Variants in SCN8A observed in about 807,000 individuals in gnomAD.
The protein encoded by SCN8A is sodium voltage-gated channel alpha subunit 8, also known as sodium channel protein type 8 subunit alpha.
A neutral mutation model predicts 184.1 loss-of-function variants in SCN8A; 30 were observed. That is an observed-to-expected ratio of 0.16 (90% CI 0.12 to 0.22). The LOEUF (loss-of-function observed/expected upper bound fraction) is 0.22. Among genes scored for constraint, SCN8A ranks in the 10% least tolerant of loss-of-function variants. The pLI is 1.00. For missense variants in SCN8A, 1,057 were observed against 2,498.9 expected (o/e 0.42, Z 12.30); for synonymous variants, 852 against 907.0 (o/e 0.94, Z 1.09).
chr12:51,625,663 C>T (rs1235825416), intron 1 of SCN8A, among the ~76,000 whole-genome samples: 5 of 152,264 alleles, frequency 3.3e-5, no homozygotes, highest in African/African-American at 9.6e-5. Flanking sequence ...ATTAAACAAT[C>T]GCTAAGATTC....
At chr12:51,700,474 C>T (rs571403795) in intron 7 of SCN8A, among the ~76,000 whole-genome samples, 5 of 152,248 alleles carry the variant, frequency 3.3e-5, no homozygotes, top group South Asian at 2.1e-4. Flanking sequence ...CTATTGCAGT[C>T]GATCTAGTCT....
At chr12:51,598,612 G>A (rs766407613) in intron 1 of SCN8A, among the ~76,000 whole-genome samples, 1 of 151,948 alleles carries the variant, frequency 6.6e-6, no homozygotes, top group Non-Finnish European at 1.5e-5. Flanking sequence ...CTCTTCCATT[G>A]TCTTGAAATG....
chr12:51,789,469 G>A (rs529513513), intron 24 of SCN8A, 51 bp downstream of exon 24: 1 of 1,586,898 alleles, frequency 6.3e-7, no homozygotes, highest in South Asian at 1.1e-5. Flanking sequence ...CCAGATAAGA[G>A]GCACCTTTGT....
intron 1 of SCN8A, among the ~76,000 whole-genome samples, chr12:51,661,081 T>G (rs1940915994): frequency 6.6e-6 from 1 of 152,188 alleles, no homozygotes; most frequent in South Asian, 2.1e-4. Context: ...TGATATTTAT[T>G]ATAATGAAAG....
chr12:51,726,291 A>G (rs1280961077), intron 12 of SCN8A, among the ~76,000 whole-genome samples: 1 of 152,230 alleles, frequency 6.6e-6, no homozygotes, highest in African/African-American at 2.4e-5. Context: ...CAATCCAGAA[A>G]TCACATGCAA....
At chr12:51,721,988 C>T (rs1353412675) in intron 12 of SCN8A, 80 bp downstream of exon 12, 1 of 1,596,738 alleles carries the variant, frequency 6.3e-7, no homozygotes, top group Non-Finnish European at 8.5e-7. Context: ...GCAGTCTCCC[C>T]CGCTCCTTCC....
chr12:51,726,198 A>C (rs1370601051), intron 12 of SCN8A, among the ~76,000 whole-genome samples: 1 of 152,228 alleles, frequency 6.6e-6, no homozygotes, highest in African/African-American at 2.4e-5. Flanking sequence ...CTGAAGCAGA[A>C]GATAAAGGGA....
chr12:51,676,917 C>G (rs950404849), intron 2 of SCN8A, among the ~76,000 whole-genome samples: 19 of 151,980 alleles, frequency 1.3e-4, no homozygotes, highest in African/African-American at 4.3e-4. Flanking sequence ...CTCTCCTGGG[C>G]CATGTGTTTC....
intron 1 of SCN8A, among the ~76,000 whole-genome samples, chr12:51,661,366 GC>G (rs946045303): frequency 2.3e-4 from 35 of 152,284 alleles, no homozygotes; most frequent in African/African-American, 8.2e-4. Context: ...GGCCTCTTTA[GC>G]CCCCTGCTGT....
intron 2 of SCN8A, among the ~76,000 whole-genome samples, chr12:51,665,814 A>G (rs1038025410): frequency 1.3e-5 from 2 of 152,242 alleles, no homozygotes; most frequent in Non-Finnish European, 2.9e-5. Flanking sequence ...CTGTAATCCC[A>G]GCACTTTGGG....
chr12:51,685,029 A>G (rs975814602), intron 3 of SCN8A, among the ~76,000 whole-genome samples: 7 of 152,210 alleles, frequency 4.6e-5, no homozygotes, highest in Admixed American at 2.0e-4. Context: ...GTATCCTCCA[A>G]GTAGGATGAG....
chr12:51,731,859 A>G (rs1222515256), intron 12 of SCN8A, among the ~76,000 whole-genome samples: 1 of 152,140 alleles, frequency 6.6e-6, no homozygotes, highest in Admixed American at 6.5e-5. Flanking sequence ...TTTGCCATTT[A>G]TATGTCTTCT....
rs187590087 is a variant in SCN8A, at chr12:51,741,861, C to T, written c.1999-4042C>T. 1.5e-3 allele frequency among the ~76,000 whole-genome samples: 226 copies of T among 152,172 alleles called. 1 individual carries two copies. Among genetic ancestry groups the T allele is most frequent in the African/African-American group, 5.4e-3 (225 of 41,528 alleles). ...CTGGGATTACAAGCATGTGCCACCA[C>T]GCCCGGCTAATTTTGTATTTTTAGT... On this transcript the variant is annotated intron_variant, in intron 12 of 26. Transcript: ENST00000627620.
chr12:51,676,795 G>A (rs1941229578), intron 2 of SCN8A, among the ~76,000 whole-genome samples: 1 of 152,104 alleles, frequency 6.6e-6, no homozygotes, highest in Admixed American at 6.5e-5. Flanking sequence ...AAACCTCTGA[G>A]CCCCTAGGTG....
At chr12:51,710,661 A>AAAAAAC (rs1174437904) in intron 11 of SCN8A, among the ~76,000 whole-genome samples, 4 of 152,190 alleles carry the variant, frequency 2.6e-5, no homozygotes, top group African/African-American at 9.7e-5. Flanking sequence ...CCTGTCTCCA[A>AAAAAAC]AAAAACAAGA....
In SCN8A at chr12:51,731,248, T is replaced by TC. The variant is rs1234922888; in HGVS notation, c.1998+9340_1998+9341insC. 4.4e-3 allele frequency among the ~76,000 whole-genome samples: 659 copies of TC among 149,338 alleles called. 4 individuals are homozygous for TC. Among genetic ancestry groups the TC allele is most frequent in the African/African-American group, 0.015 (600 of 40,686 alleles). On this transcript the variant is annotated intron_variant, in intron 12 of 26. Transcript: ENST00000627620. ...ATTTCTTTTTTCTTTTTCTTCTTCT[T>TC]TTTTTTTTTGAGACAATCTCACTCT...
intron 9 of SCN8A, among the ~76,000 whole-genome samples, chr12:51,703,922 T>C (rs1289815746): frequency 6.6e-6 from 1 of 152,108 alleles, no homozygotes; most frequent in Non-Finnish European, 1.5e-5. Context: ...TTTTTCTTTT[T>C]TGAGACAGAG....
At chr12:51,738,887 C>T (rs976118593) in intron 12 of SCN8A, among the ~76,000 whole-genome samples, 9 of 152,210 alleles carry the variant, frequency 5.9e-5, no homozygotes, top group African/African-American at 2.2e-4. Context: ...CATAAATCTA[C>T]TGCAGCTCTA....
At chr12:51,657,160 G>A (rs889436854) in intron 1 of SCN8A, among the ~76,000 whole-genome samples, 1 of 151,962 alleles carries the variant, frequency 6.6e-6, no homozygotes, top group African/African-American at 2.4e-5. Context: ...ATATATTTTG[G>A]GGTTTTTTTG....
Sources: allele counts gnomAD v4.1 joint callset (sites outside exome capture counted in the v4.1 genomes callset), GRCh38; gene constraint gnomAD v4.1.1; transcripts MANE v1.5; gene names NCBI Gene and HGNC (gene_info 2026-07-23, HGNC 2026-07-21).